The following ENOX2 variants were observed in gnomAD, a reference collection of about 807,000 sequenced individuals.
ENOX2 encodes the protein APK1 antigen.
A neutral mutation model predicts 45.0 loss-of-function variants in ENOX2; 36 were observed. That is an observed-to-expected ratio of 0.80 (90% CI 0.61 to 1.06). The LOEUF (loss-of-function observed/expected upper bound fraction) is 1.06. Among genes scored for constraint, ENOX2 ranks in the 50% least tolerant of loss-of-function variants. The pLI is 0.00. For missense variants in ENOX2, 423 were observed against 462.5 expected (o/e 0.91, Z 0.78); for synonymous variants, 174 against 152.3 (o/e 1.14, Z -1.05).
chrX:130,698,029 T>C (rs142943064), intron 4 of ENOX2, among the ~76,000 whole-genome samples: 1,217 of 111,603 alleles, frequency 0.011, 14 homozygotes, highest in African/African-American at 0.038. Flanking sequence ...TCGTTCTTTG[T>C]GGGGACCTCA....
intron 3 of ENOX2, among the ~76,000 whole-genome samples, chrX:130,756,288 C>T (rs963847591): frequency 8.9e-6 from 1 of 112,242 alleles, no homozygotes; most frequent in African/African-American, 3.2e-5. Flanking sequence ...GGATATTGTA[C>T]TTTGCTTCAA....
intron 3 of ENOX2, among the ~76,000 whole-genome samples, chrX:130,734,970 T>C (rs1474271274): frequency 1.8e-5 from 2 of 112,391 alleles, no homozygotes; most frequent in East Asian, 5.6e-4. Flanking sequence ...CCAATGTGTC[T>C]GAATTGAGAC....
chrX:130,689,249 T>C (rs2037528415), intron 4 of ENOX2, among the ~76,000 whole-genome samples: 1 of 112,031 alleles, frequency 8.9e-6, no homozygotes, highest in African/African-American at 3.3e-5. Flanking sequence ...CTGCATCTCA[T>C]TGTGGCATCC....
chrX:130,765,250 A>C (rs1298738867), intron 3 of ENOX2, among the ~76,000 whole-genome samples: 2 of 110,998 alleles, frequency 1.8e-5, no homozygotes, highest in East Asian at 2.8e-4. Flanking sequence ...CCTACAACCC[A>C]AAATAAAAGC....
chrX:130,743,474 T>TTC (rs1273000335), intron 3 of ENOX2, among the ~76,000 whole-genome samples: 6 of 97,302 alleles, frequency 6.2e-5, no homozygotes, highest in African/African-American at 2.3e-4. Flanking sequence ...CTATGAGGGA[T>TTC]TTTTTTTTTT....
At chrX:130,662,602 G>T (rs1262108810) in intron 9 of ENOX2, among the ~76,000 whole-genome samples, 1 of 111,613 alleles carries the variant, frequency 9.0e-6, no homozygotes, top group Non-Finnish European at 1.9e-5. Flanking sequence ...AATTTAAGAG[G>T]ATGGTTTATT....
intron 2 of ENOX2, among the ~76,000 whole-genome samples, chrX:130,845,487 C>T (rs2078085043): frequency 8.9e-6 from 1 of 112,392 alleles, no homozygotes; most frequent in African/African-American, 3.2e-5. Flanking sequence ...TTTTTCGAGA[C>T]AGAGTTTCAC....
chrX:130,859,761 A>C (rs755698150), intron 2 of ENOX2, among the ~76,000 whole-genome samples: 1 of 112,058 alleles, frequency 8.9e-6, no homozygotes, highest in South Asian at 3.8e-4. Context: ...CAATTAAGAC[A>C]CCATTGCAGT....
chrX:130,860,751 G>T (rs747876349), intron 2 of ENOX2, among the ~76,000 whole-genome samples: 8 of 111,128 alleles, frequency 7.2e-5, no homozygotes, highest in Non-Finnish European at 9.4e-5. Context: ...TTCCTATCTG[G>T]TCTCCCTGCT....
chrX:130,738,618 G>GT (rs2038912931), intron 3 of ENOX2, among the ~76,000 whole-genome samples: 1 of 112,115 alleles, frequency 8.9e-6, no homozygotes. Flanking sequence ...TTCCTGGTGT[G>GT]TTTTCTCTCC....
intron 3 of ENOX2, among the ~76,000 whole-genome samples, chrX:130,711,011 A>C (rs6654252): frequency 8.9e-6 from 1 of 111,961 alleles, no homozygotes; most frequent in African/African-American, 3.3e-5. Flanking sequence ...CATTTCTGGC[A>C]TATCACATAG....
At chrX:130,765,293 AAG>A (rs1260898151) in intron 3 of ENOX2, among the ~76,000 whole-genome samples, 4 of 110,718 alleles carry the variant, frequency 3.6e-5, no homozygotes, top group African/African-American at 1.3e-4. Context: ...ATCTAAATAT[AAG>A]AGTTATTCAT....
chrX:130,865,848 T>A (rs149007956), intron 2 of ENOX2, among the ~76,000 whole-genome samples: 1 of 111,199 alleles, frequency 9.0e-6, no homozygotes, highest in Non-Finnish European at 1.9e-5. Flanking sequence ...TCCTATCATA[T>A]CCTAATAGCC....
At chrX:130,878,862 C>A (rs2078753995) in intron 2 of ENOX2, among the ~76,000 whole-genome samples, 1 of 112,404 alleles carries the variant, frequency 8.9e-6, no homozygotes, top group Admixed American at 9.4e-5. Context: ...ATCAAAATTA[C>A]TTTTGATGTT....
chrX:130,778,731 C>T (rs993400350), intron 3 of ENOX2, among the ~76,000 whole-genome samples: 1 of 112,250 alleles, frequency 8.9e-6, no homozygotes, highest in East Asian at 2.8e-4. Flanking sequence ...GGCTGAAGAT[C>T]CCTCTTTTCA....
At chrX:130,750,662 G>A (rs2039197591) in intron 3 of ENOX2, among the ~76,000 whole-genome samples, 3 of 110,528 alleles carry the variant, frequency 2.7e-5, no homozygotes, top group Non-Finnish European at 3.8e-5. Flanking sequence ...TCTTTGTCTT[G>A]GTTTGTCTGT....
At chrX:130,643,224 A>G (rs1378923019) in intron 10 of ENOX2, among the ~76,000 whole-genome samples, 1 of 111,682 alleles carries the variant, frequency 9.0e-6, no homozygotes, top group Non-Finnish European at 1.9e-5. Flanking sequence ...ATGTGGAATA[A>G]TATAATATGT....
At chrX:130,875,487 G>A (rs1313057865) in intron 2 of ENOX2, among the ~76,000 whole-genome samples, 1 of 111,422 alleles carries the variant, frequency 9.0e-6, no homozygotes, top group Non-Finnish European at 1.9e-5. Context: ...AAAATTGAGT[G>A]TTCAGAAATA....
At chrX:130,777,711 AT>A (rs946575352) in intron 3 of ENOX2, among the ~76,000 whole-genome samples, 1 of 111,030 alleles carries the variant, frequency 9.0e-6, no homozygotes, top group African/African-American at 3.3e-5. Context: ...ATGTATTTCC[AT>A]TTTTCTATCC....
Sources: allele counts gnomAD v4.1 joint callset (sites outside exome capture counted in the v4.1 genomes callset), GRCh38; gene constraint gnomAD v4.1.1; transcripts MANE v1.5; gene names NCBI Gene and HGNC (gene_info 2026-07-23, HGNC 2026-07-21).